SHLD1: variants seen among roughly 807,000 people sequenced by gnomAD.
SHLD1 encodes shieldin complex subunit 1, also known as RINN1-REV7-interacting novel NHEJ regulator 3.
In SHLD1, 3 loss-of-function variants were observed where a neutral mutation model predicts 5.5. The observed-to-expected ratio is 0.54, with a 90% CI of 0.25 to 1.40. The LOEUF is 1.40. Among genes scored for constraint, SHLD1 ranks in the 40% most tolerant of loss-of-function variants. SHLD1 has a pLI of 0.15. For missense variants in SHLD1, 210 were observed against 244.4 expected, an observed-to-expected ratio of 0.86 and a Z score of 0.94; for synonymous variants, 92 against 94.3, an observed-to-expected ratio of 0.98 and a Z score of 0.14.
intron 2 of SHLD1, among the ~76,000 whole-genome samples, chr20:5,780,418 G>C (rs927313455): frequency 2.0e-5 from 3 of 152,280 alleles, no homozygotes; most frequent in Admixed American, 6.5e-5. Flanking sequence ...CAACAGGCAC[G>C]CTGGAGAGAA....
At chr20:5,848,785 GT>G (rs1461504586) in intron 2 of SHLD1, among the ~76,000 whole-genome samples, 3 of 151,900 alleles carry the variant, frequency 2.0e-5, no homozygotes, top group Admixed American at 6.6e-5. Context: ...ACCTGTCTTT[GT>G]TTTTTTTCCG....
chr20:5,762,905 G>A (rs996537330), intron 1 of SHLD1, among the ~76,000 whole-genome samples: 2 of 151,338 alleles, frequency 1.3e-5, no homozygotes, highest in Non-Finnish European at 2.9e-5. Context: ...CCTGGGAGGC[G>A]GAGGTTGCAG....
intron 2 of SHLD1, among the ~76,000 whole-genome samples, chr20:5,783,983 C>G (rs1426804364): frequency 6.6e-6 from 1 of 152,052 alleles, no homozygotes; most frequent in Non-Finnish European, 1.5e-5. Context: ...AAAACGCCGT[C>G]TCTACTAAAA....
chr20:5,860,149 G>GT (rs1199001367), intron 2 of SHLD1, among the ~76,000 whole-genome samples: 2 of 151,816 alleles, frequency 1.3e-5, no homozygotes, highest in Non-Finnish European at 2.9e-5. Flanking sequence ...TCATCTGCGG[G>GT]TAAGAAGGTA....
intron 1 of SHLD1, among the ~76,000 whole-genome samples, chr20:5,757,547 G>T (rs544766602): frequency 1.1e-4 from 16 of 152,220 alleles, no homozygotes; most frequent in Non-Finnish European, 2.1e-4. Flanking sequence ...GTATATGTGT[G>T]TATCTGTTTT....
chr20:5,851,602 A>G (rs1362147364), intron 2 of SHLD1, among the ~76,000 whole-genome samples: 2 of 152,042 alleles, frequency 1.3e-5, no homozygotes, highest in Non-Finnish European at 2.9e-5. Flanking sequence ...AGTTTAAAAC[A>G]TAAAACAAAA....
rs74824950 is a variant in SHLD1, at chr20:5,863,272, C to T, written c.427C>T (p.Arg143Cys). ...CCAGGAGAGCCAAAAGTATGCCCTC[C>T]GCAGTTTTCAAATGGCCCGGGTGAT... Reference protein sequence around the residue: ...RGQESQKYALRSFQMARVIFN... With the variant: ...RGQESQKYALCSFQMARVIFN... The change falls in exon 3 of 3, where the codon CGC (arginine) becomes TGC (cysteine). Residue 143 changes from arginine (R) to cysteine (C), a missense_variant. Coordinates refer to ENST00000303142, the MANE Select transcript of SHLD1 (RefSeq NM_152504.4). 1.3e-3 allele frequency: 2,027 copies of T among 1,614,148 alleles called. 14 individuals carry two copies. In the African/African-American group the frequency reaches 0.019, roughly 15 times the overall value.
rs1322534241 is a variant in SHLD1 at position 5,844,790 on chromosome 20, TATATA to T, written c.179-18233_179-18229del. On this transcript the variant is annotated intron_variant, in intron 2 of 2. Transcript: ENST00000303142. ...GTAGACATATATATATATATATATA[TATATA>T]TATATTTTTTTTTTTTTGAGACACA... is the stretch of plus-strand genomic sequence containing the variant. 2.4e-3 allele frequency among the ~76,000 whole-genome samples: 259 copies of T among 107,766 alleles called. 3 individuals carry two copies. Among genetic ancestry groups the T allele is most frequent in the African/African-American group, 0.011 (230 of 21,466 alleles). The allele number at this position is 107,766 out of a possible 152,430, so 70.7% of individuals were successfully genotyped here. A position where few individuals can be genotyped will look rare whatever the true frequency, so the allele number is the denominator to read the frequency against.
At chr20:5,804,303 G>GTA (rs757922533) in intron 2 of SHLD1, among the ~76,000 whole-genome samples, 16 of 148,412 alleles carry the variant, frequency 1.1e-4, no homozygotes, top group East Asian at 6.0e-4. Context: ...ATAGGTCTTT[G>GTA]TATATATATA....
chr20:5,792,678 T>TA (rs1568504915), intron 2 of SHLD1, among the ~76,000 whole-genome samples: 19 of 119,026 alleles, frequency 1.6e-4, no homozygotes, highest in African/African-American at 5.3e-4. Context: ...TTTCTTTTTT[T>TA]TAAAAAAAAA....
intron 2 of SHLD1, among the ~76,000 whole-genome samples, chr20:5,852,776 G>A (rs1857350137): frequency 6.6e-6 from 1 of 152,172 alleles, no homozygotes; most frequent in South Asian, 2.1e-4. Context: ...AGAGTGTGTA[G>A]ACTTCCTTAC....
rs148670343 is a variant in SHLD1, at chr20:5,772,952, C to T, written c.87C>T (p.Tyr29=). The part of the protein sequence containing the change: ...DLPSACDIRD[Y]VLQGPSQEAN... ...CATCAGCGTGTGACATAAGAGATTACGTCCTGCAGGGACCCAGCCAAGAAG... is the reference window on the plus strand; with the variant it reads ...CATCAGCGTGTGACATAAGAGATTATGTCCTGCAGGGACCCAGCCAAGAAG... The change falls in exon 2 of 3, where the codon TAC becomes TAT. Residue 29 remains tyrosine, a synonymous_variant. Transcript: ENST00000303142. 122 of 1,614,024 alleles carry T rather than the reference C, an allele frequency of 7.6e-5. No homozygotes were observed. The highest frequency in any genetic ancestry group is 9.8e-5 in the Non-Finnish European group (116 of 1,180,008).
intron 1 of SHLD1, chr20:5,771,779 G>C (rs144468616): frequency 5.4e-6 from 1 of 186,478 alleles, no homozygotes; most frequent in Non-Finnish European, 1.1e-5. Context: ...ACAATTTCAC[G>C]GATAGAAGAT....
At chr20:5,760,874 C>T (rs1390270804) in intron 1 of SHLD1, among the ~76,000 whole-genome samples, 1 of 151,950 alleles carries the variant, frequency 6.6e-6, no homozygotes, top group East Asian at 1.9e-4. Context: ...TTCAGGTTGA[C>T]ACTTGTTCAC....
At chr20:5,849,994 T>C (rs563702075) in intron 2 of SHLD1, among the ~76,000 whole-genome samples, 19 of 144,356 alleles carry the variant, frequency 1.3e-4, no homozygotes, top group African/African-American at 3.7e-4. Context: ...AAAAAATTCA[T>C]TGAGGCTAGG....
At chr20:5,846,733 G>A (rs989553616) in intron 2 of SHLD1, among the ~76,000 whole-genome samples, 7 of 152,194 alleles carry the variant, frequency 4.6e-5, no homozygotes, top group African/African-American at 1.7e-4. Flanking sequence ...GGGATCGGGG[G>A]AACCATAGAT....
intron 2 of SHLD1, 141 bp from the exon 3 acceptor site, chr20:5,862,883 G>T (rs2088181111): frequency 1.4e-6 from 1 of 732,392 alleles, no homozygotes; most frequent in Non-Finnish European, 2.2e-6. Flanking sequence ...AACAGATTTT[G>T]AAATCAGCTG....
intron 1 of SHLD1, among the ~76,000 whole-genome samples, chr20:5,751,391 C>T (rs1983741587): frequency 6.6e-6 from 1 of 152,146 alleles, no homozygotes; most frequent in African/African-American, 2.4e-5. Flanking sequence ...ACTGCAACCT[C>T]TGCTGCCCAG....
At chr20:5,845,501 G>A (rs978675384) in intron 2 of SHLD1, among the ~76,000 whole-genome samples, 1 of 152,184 alleles carries the variant, frequency 6.6e-6, no homozygotes, top group African/African-American at 2.4e-5. Flanking sequence ...ATGAACTTTT[G>A]CAAAGGCCAG....
Sources: allele counts gnomAD v4.1 joint callset (sites outside exome capture counted in the v4.1 genomes callset), GRCh38; gene constraint gnomAD v4.1.1; transcripts MANE v1.5; gene names NCBI Gene and HGNC (gene_info 2026-07-23, HGNC 2026-07-21).